AGBL4: variants seen among roughly 807,000 people sequenced by gnomAD.
AGBL4 encodes the protein AGBL carboxypeptidase 4.
Under a neutral mutation model 66.4 loss-of-function variants are expected in AGBL4, and 58 were observed. That is an observed-to-expected ratio of 0.87 (90% CI 0.71 to 1.09). The LOEUF is 1.09. Ranked by LOEUF, AGBL4 falls within the 50% of genes least tolerant of loss-of-function variation. AGBL4 has a pLI of 0.00. For missense variants in AGBL4, 579 were observed against 631.0 expected (o/e 0.92, Z 0.88); for synonymous variants, 234 against 222.9 (o/e 1.05, Z -0.44).
At chr1:49,872,604 A>G (rs1303272578) in intron 1 of AGBL4, among the ~76,000 whole-genome samples, 1 of 152,130 alleles carries the variant, frequency 6.6e-6, no homozygotes, top group Non-Finnish European at 1.5e-5. Flanking sequence ...AGGCACAGAT[A>G]AATCCTTGGC....
At chr1:48,796,969 A>T (rs1479013285) in intron 6 of AGBL4, among the ~76,000 whole-genome samples, 1 of 152,216 alleles carries the variant, frequency 6.6e-6, no homozygotes, top group East Asian at 1.9e-4. Context: ...AACTTGAATC[A>T]TATGTCCTTC....
At chr1:49,680,443 T>C (rs148466968) in intron 3 of AGBL4, among the ~76,000 whole-genome samples, 1 of 151,880 alleles carries the variant, frequency 6.6e-6, no homozygotes, top group Non-Finnish European at 1.5e-5. Flanking sequence ...CCTTCATTCA[T>C]CTGAGAGTGC....
At chr1:49,555,260 T>G (rs1311550826) in intron 3 of AGBL4, among the ~76,000 whole-genome samples, 1 of 150,812 alleles carries the variant, frequency 6.6e-6, no homozygotes, top group African/African-American at 2.4e-5. Context: ...GACAATCCTT[T>G]AGCTAGACAC....
intron 1 of AGBL4, among the ~76,000 whole-genome samples, chr1:49,856,796 G>T (rs1011671834): frequency 6.6e-6 from 1 of 151,948 alleles, no homozygotes; most frequent in Non-Finnish European, 1.5e-5. Context: ...AAATCTCAAA[G>T]TATTTCCTCT....
intron 2 of AGBL4, among the ~76,000 whole-genome samples, chr1:49,752,298 TA>T (rs745398405): frequency 6.6e-6 from 1 of 152,242 alleles, no homozygotes; most frequent in East Asian, 1.9e-4. Flanking sequence ...TGGTTTCAAA[TA>T]ACTTACTTAT....
At chr1:49,404,423 C>T (rs7522924) in intron 3 of AGBL4, among the ~76,000 whole-genome samples, 12,126 of 152,168 alleles carry the variant, frequency 0.08, 720 homozygotes, top group East Asian at 0.16. Context: ...ACTGTGAGAA[C>T]ATAAATTTCT....
intron 3 of AGBL4, among the ~76,000 whole-genome samples, chr1:49,267,278 A>G (rs899613827): frequency 2.0e-5 from 3 of 152,234 alleles, no homozygotes; most frequent in African/African-American, 7.2e-5. Context: ...GGTTTGTAAG[A>G]TGACTGAGAT....
chr1:49,987,690 AC>A (rs1488176471), intron 1 of AGBL4, among the ~76,000 whole-genome samples: 3 of 152,052 alleles, frequency 2.0e-5, no homozygotes, highest in Non-Finnish European at 2.9e-5. Context: ...TAGAAATTAT[AC>A]ACTTTTAAAA....
chr1:48,567,685 G>T (rs1644498120), intron 11 of AGBL4, among the ~76,000 whole-genome samples: 1 of 152,226 alleles, frequency 6.6e-6, no homozygotes, highest in South Asian at 2.1e-4. Context: ...AAGGGGACCT[G>T]TTGGGGGCCT....
chr1:49,829,982 G>T (rs183279919), intron 2 of AGBL4, among the ~76,000 whole-genome samples: 1 of 152,188 alleles, frequency 6.6e-6, no homozygotes, highest in African/African-American at 2.4e-5. Context: ...ATTCCATGGT[G>T]TATATGTGCA....
rs1247556289 is a variant in AGBL4 at position 48,879,306 on chromosome 1, C to T, written c.595-12076G>A. On this transcript the variant is annotated intron_variant, in intron 5 of 13. Transcript: ENST00000371839. ...GTGTGTGTGTGTGCACGAGTGTGCA[C>T]ACAAGCATACTCGCTTGTGTTTAGA... Among the ~76,000 whole-genome samples the T allele has an allele frequency of 3.9e-5, 6 of 151,914 alleles. No individual in the cohort carries two copies. The East Asian group carries it at 1.2e-3, about 29-fold the overall frequency.
At chr1:48,818,550 T>C (rs1359715188) in intron 6 of AGBL4, among the ~76,000 whole-genome samples, 1 of 152,220 alleles carries the variant, frequency 6.6e-6, no homozygotes, top group Admixed American at 6.5e-5. Flanking sequence ...AAGATGCCTG[T>C]GATTGAATTT....
chr1:49,990,989 C>A (rs949249604), intron 1 of AGBL4, among the ~76,000 whole-genome samples: 2 of 151,926 alleles, frequency 1.3e-5, no homozygotes, highest in Non-Finnish European at 2.9e-5. Flanking sequence ...AAAACTCAAA[C>A]CTAATAGGGT....
At chr1:49,959,853 A>G (rs1271603777) in intron 1 of AGBL4, among the ~76,000 whole-genome samples, 1 of 152,138 alleles carries the variant, frequency 6.6e-6, no homozygotes, top group Non-Finnish European at 1.5e-5. Context: ...ATGCAGCTAT[A>G]AAAAGAATGA....
intron 3 of AGBL4, among the ~76,000 whole-genome samples, chr1:49,372,868 C>G (rs1050929642): frequency 6.6e-6 from 1 of 151,950 alleles, no homozygotes; most frequent in Admixed American, 6.6e-5. Context: ...AAGCAATCTT[C>G]CTGCCTCAGC....
At chr1:49,515,449 A>T (rs1649705538) in intron 3 of AGBL4, among the ~76,000 whole-genome samples, 1 of 152,094 alleles carries the variant, frequency 6.6e-6, no homozygotes, top group East Asian at 1.9e-4. Flanking sequence ...GGGACTGTAA[A>T]CTCATTCAAC....
At chr1:49,952,278 CA>C (rs1656225973) in intron 1 of AGBL4, among the ~76,000 whole-genome samples, 1 of 151,818 alleles carries the variant, frequency 6.6e-6, no homozygotes, top group Admixed American at 6.6e-5. Context: ...CAATCTGTTA[CA>C]ACCGTACCCT....
chr1:49,473,938 T>G (rs1646798205), intron 3 of AGBL4, among the ~76,000 whole-genome samples: 1 of 152,092 alleles, frequency 6.6e-6, no homozygotes, highest in Admixed American at 6.6e-5. Flanking sequence ...ATCAGTTGGC[T>G]GTATGTGGGC....
At chr1:48,827,157 C>T (rs960940347) in intron 6 of AGBL4, among the ~76,000 whole-genome samples, 3 of 152,172 alleles carry the variant, frequency 2.0e-5, no homozygotes, top group African/African-American at 4.8e-5. Context: ...CTGTACTATA[C>T]TTTCATTTGG....
Sources: allele counts gnomAD v4.1 joint callset (sites outside exome capture counted in the v4.1 genomes callset), GRCh38; gene constraint gnomAD v4.1.1; transcripts MANE v1.5; gene names NCBI Gene and HGNC (gene_info 2026-07-23, HGNC 2026-07-21).